Variants in IL17RD observed in about 807,000 individuals in gnomAD.
IL17RD encodes interleukin 17 receptor D.
IL17RD carries 52 observed loss-of-function variants against 80.5 expected under a neutral mutation model. The observed-to-expected ratio is 0.65, with a 90% confidence interval of 0.52 to 0.81. The LOEUF is 0.81. Among genes scored for constraint, IL17RD ranks in the 40% least tolerant of loss-of-function variants. The probability of loss-of-function intolerance (pLI) is 0.00; values close to 1 mark genes in which losing one functional copy is unlikely to be tolerated. For missense variants in IL17RD, 1,024 were observed against 955.1 expected, an observed-to-expected ratio of 1.07 and a Z score of -0.95; for synonymous variants, 416 against 391.8, an observed-to-expected ratio of 1.06 and a Z score of -0.73.
At position 57,141,452 on chromosome 3, in the gene IL17RD, G is replaced by T. The variant is rs559700034; in HGVS notation, c.127-21139C>A. On this transcript the variant is annotated intron_variant, in intron 1 of 12. Coordinates refer to ENST00000296318, the MANE Select transcript of IL17RD (RefSeq NM_017563.5). ...TTGTTAGCAGTTTTCATTTCTGAGG[G>T]ATGGAATAAACATTAAAATATTCTT... Among the ~76,000 whole-genome samples the T allele has an allele frequency of 7.2e-4, 110 of 152,200 alleles. 4 individuals are homozygous for T. The South Asian group carries it at 0.022, about 30-fold the overall frequency.
At position 57,104,413 on chromosome 3, in the gene IL17RD, A is replaced by C. The variant is rs1230775613; in HGVS notation, c.748-6T>G. On this transcript the variant is annotated splice_region_variant and splice_polypyrimidine_tract_variant and intron_variant, in intron 7 of 12. Coordinates refer to ENST00000296318, the MANE Select transcript of IL17RD (RefSeq NM_017563.5). ...GTCGTCTCTGTAGTTTGCTCCTGCA[A>C]CAGACCAAAGAACACTTTAAAAACT... 1 of 1,598,184 alleles carries C rather than the reference A, an allele frequency of 6.3e-7. No homozygotes were observed. The highest frequency in any genetic ancestry group is 1.3e-5 in the African/African-American group (1 of 74,710).
intron 1 of IL17RD, among the ~76,000 whole-genome samples, chr3:57,124,287 T>A (rs566636540): frequency 3.3e-5 from 5 of 152,274 alleles, no homozygotes; most frequent in African/African-American, 1.2e-4. Flanking sequence ...CGTGTCCACA[T>A]TCTAGTTCCC....
Position 57,110,342 on chromosome 3 carries a change from T to C in IL17RD, c.311-31A>G, listed in dbSNP as rs78636858. On this transcript the variant is annotated intron_variant, in intron 3 of 12. Coordinates refer to ENST00000296318, the MANE Select transcript of IL17RD (RefSeq NM_017563.5). The stretch of plus-strand genomic sequence containing the variant: ...CAAAGCAGAATGCTTTTATTAATAG[T>C]GAACCTAATTACTTCTGAACACACT... The C allele has an allele frequency of 2.3e-4, 357 of 1,557,394 alleles. 1 individual carries two copies. In the African/African-American group the frequency reaches 4.4e-3, roughly 19 times the overall value.
chr3:57,096,572 G>T, intron 12 of IL17RD, 67 bp from the exon 13 acceptor site: 2 of 1,106,730 alleles, frequency 1.8e-6, no homozygotes, highest in East Asian at 2.3e-5. Context: ...AGGTGCTCAT[G>T]GCAGAATGTG....
intron 1 of IL17RD, among the ~76,000 whole-genome samples, chr3:57,148,205 A>G (rs1707976580): frequency 6.6e-6 from 1 of 151,242 alleles, no homozygotes; most frequent in Non-Finnish European, 1.5e-5. Context: ...CACGCCTGTA[A>G]TCTCAGCTAC....
chr3:57,150,013 A>C (rs114679577), intron 1 of IL17RD, among the ~76,000 whole-genome samples: 1,934 of 152,336 alleles, frequency 0.013, 41 homozygotes, highest in African/African-American at 0.044. Context: ...ATCAACCCAA[A>C]AAATTCCCTT....
At chr3:57,119,430 G>A (rs1233598033) in intron 2 of IL17RD, among the ~76,000 whole-genome samples, 1 of 152,200 alleles carries the variant, frequency 6.6e-6, no homozygotes, top group Admixed American at 6.5e-5. Flanking sequence ...TCAGGAGGCT[G>A]AGGCATGAGA....
chr3:57,170,235 TG>T (rs2060363582), upstream of IL17RD: 1 of 152,200 alleles, frequency 6.6e-6, no homozygotes, highest in East Asian at 1.9e-4. Flanking sequence ...GTGCGTACCT[TG>T]GCCACTACAC....
rs1706521260 is a variant in IL17RD at position 57,090,125 on chromosome 3, C to G, written c.*6268G>C. On this transcript the variant is annotated 3_prime_UTR_variant, in exon 13 of 13. Coordinates refer to ENST00000296318, the MANE Select transcript of IL17RD (RefSeq NM_017563.5). The stretch of plus-strand genomic sequence containing the variant: ...TTTTCAATGTCAAAAATACAGCACG[C>G]TGTTAAGAGTTCTGTCAGTGCTCAT... 6.6e-6 allele frequency: 1 copy of G among 152,582 alleles called. No individual in the cohort carries two copies. Among genetic ancestry groups the G allele is most frequent in the African/African-American group, 2.4e-5 (1 of 41,418 alleles). The allele number at this position is 152,582 out of a possible 1,614,324, so 9.5% of individuals were successfully genotyped here.
intron 9 of IL17RD, 88 bp from the exon 10 acceptor site, chr3:57,102,677 G>T: frequency 1.7e-6 from 1 of 581,494 alleles, no homozygotes; most frequent in South Asian, 3.1e-5. Context: ...AACATAAGCC[G>T]CATAACAGGT....
intron 1 of IL17RD, among the ~76,000 whole-genome samples, chr3:57,129,896 G>C (rs1559478358): frequency 6.6e-6 from 1 of 152,136 alleles, no homozygotes; most frequent in Non-Finnish European, 1.5e-5. Context: ...AAGGAGACAG[G>C]CTTCAAGCAT....
rs773141103 is a variant in IL17RD at position 57,098,293 on chromosome 3, C to T, written c.1410G>A (p.Ala470=). The change falls in exon 12 of 13, where the codon GCG becomes GCA. Residue 470 remains alanine, a synonymous_variant. Coordinates refer to ENST00000296318, the MANE Select transcript of IL17RD (RefSeq NM_017563.5). The part of the protein sequence containing the change: ...KLRQAKQSSS[A]ALSKFIAVYF... ...AGACGGCGATAAACTTGCTGAGCGCCGCGGACGAACTCTGCTTGGCCTGGC... is the reference window on the plus strand; with the variant it reads ...AGACGGCGATAAACTTGCTGAGCGCTGCGGACGAACTCTGCTTGGCCTGGC... 2.3e-5 allele frequency: 37 copies of T among 1,613,866 alleles called. No individual in the cohort carries two copies. The highest frequency in any genetic ancestry group is 3.3e-4 in the Middle Eastern group (2 of 6,084).
chr3:57,170,016 G>T (rs1211853696), upstream of IL17RD, among the ~76,000 whole-genome samples: 1 of 152,198 alleles, frequency 6.6e-6, no homozygotes, highest in Admixed American at 6.5e-5. Context: ...GCCTGGGACC[G>T]CCTTGCCTGG....
At chr3:57,140,379 T>C (rs1707806717) in intron 1 of IL17RD, among the ~76,000 whole-genome samples, 1 of 152,190 alleles carries the variant, frequency 6.6e-6, no homozygotes, top group African/African-American at 2.4e-5. Context: ...TTAGAATAAC[T>C]GACAATTTCC....
At chr3:57,105,090 G>A (rs530167314) in intron 7 of IL17RD, among the ~76,000 whole-genome samples, 2 of 152,242 alleles carry the variant, frequency 1.3e-5, no homozygotes, top group African/African-American at 2.4e-5. Flanking sequence ...CTAGCTGTGC[G>A]GCCTTGAGCA....
At position 57,102,579 on chromosome 3, in the gene IL17RD, C is replaced by T. The variant is rs750479903; in HGVS notation, c.879G>A (p.Pro293=). ...MHYALKPVHS[P]WAGPIRAVAI... is the part of the protein sequence containing the mutation. ...CCACGGCTCTGATGGGCCCGGCCCA[C>T]GGGGAGTGCACTGGGAAATTTCAAA... The change falls in exon 10 of 13, where the codon CCG becomes CCA. Residue 293 remains proline (P), a synonymous_variant. Transcript: ENST00000296318. 44 of 1,542,996 alleles carry T rather than the reference C, an allele frequency of 2.9e-5. No homozygotes were observed. Among genetic ancestry groups the T allele is most frequent in the Admixed American group, 5.3e-5 (3 of 57,136 alleles).
upstream of IL17RD, chr3:57,165,375 C>G (rs2060341946): frequency 2.7e-6 from 3 of 1,131,636 alleles, no homozygotes; most frequent in Non-Finnish European, 3.3e-6. Flanking sequence ...GCGGCGGCCG[C>G]GGCGGCAGCG....
At chr3:57,133,416 T>A (rs1353492872) in intron 1 of IL17RD, among the ~76,000 whole-genome samples, 1 of 151,912 alleles carries the variant, frequency 6.6e-6, no homozygotes, top group South Asian at 2.1e-4. Flanking sequence ...CACACACACA[T>A]GCAAACACAC....
At chr3:57,112,548 C>A (rs1274229370) in intron 3 of IL17RD, among the ~76,000 whole-genome samples, 1 of 152,220 alleles carries the variant, frequency 6.6e-6, no homozygotes, top group Non-Finnish European at 1.5e-5. Context: ...GCTCACATCT[C>A]TTACTTTCAT....
Sources: allele counts gnomAD v4.1 joint callset (sites outside exome capture counted in the v4.1 genomes callset), GRCh38; gene constraint gnomAD v4.1.1; transcripts MANE v1.5; gene names NCBI Gene and HGNC (gene_info 2026-07-23, HGNC 2026-07-21).